Variants in NFATC3 observed in about 807,000 individuals in gnomAD.
NFATC3 encodes the protein nuclear factor of activated T cells 3, also known as nuclear factor of activated T-cells, cytoplasmic 3.
A neutral mutation model predicts 98.6 loss-of-function variants in NFATC3; 46 were observed. The observed-to-expected ratio is 0.47, with a 90% CI of 0.37 to 0.60. NFATC3 has a LOEUF of 0.60. NFATC3 is among the 20% of genes least tolerant of loss of function. The pLI is 0.00. For synonymous variants in NFATC3, 512 were observed against 472.2 expected, an observed-to-expected ratio of 1.08 and a Z score of -1.09; for missense variants, 1,256 against 1,295.5, an observed-to-expected ratio of 0.97 and a Z score of 0.47.
In NFATC3 at chr16:68,191,476, G is replaced by A; in HGVS notation, c.2807G>A (p.Ser936Asn). ...ASPAASHPLA[S>N]SPLSGPPSPQ... ...CCAGCAGCTTCTCATCCCTTGGCTA[G>A]TTCACCGCTTTCTGGGCCACCATCT... Residue 936 changes from serine to asparagine, a missense_variant, in exon 9 of 10, where the codon AGT (serine) becomes AAT (asparagine). This residue lies in a region of NFATC3 where 636 missense variants were observed against 617.3 expected (regional missense o/e 1.03). Transcript: ENST00000346183. The A allele has an allele frequency of 1.2e-6, 2 of 1,614,106 alleles. No homozygotes were observed. Among genetic ancestry groups the A allele is most frequent in the East Asian group, 2.2e-5 (1 of 44,886 alleles).
At chr16:68,112,396 G>A (rs1218650641) in intron 1 of NFATC3, among the ~76,000 whole-genome samples, 1 of 146,028 alleles carries the variant, frequency 6.8e-6, no homozygotes, top group African/African-American at 2.5e-5. Flanking sequence ...TTCTGCCTCA[G>A]CCGCCCGAGT....
chr16:68,210,341 AGGTG>A (rs1258117043), intron 9 of NFATC3, among the ~76,000 whole-genome samples: 2 of 151,448 alleles, frequency 1.3e-5, no homozygotes, highest in African/African-American at 2.4e-5. Flanking sequence ...AAAATTAGCC[AGGTG>A]CTGTGGTCCC....
intron 3 of NFATC3, among the ~76,000 whole-genome samples, chr16:68,157,614 C>T (rs944960577): frequency 2.6e-5 from 4 of 151,892 alleles, no homozygotes; most frequent in East Asian, 1.9e-4. Context: ...CAGTTTTGGT[C>T]GATCTAGATA....
In NFATC3 at chr16:68,191,822, CT is replaced by C. The variant is rs1274055859; in HGVS notation, c.3106+50del. On this transcript the variant is annotated intron_variant, in intron 9 of 9. Transcript: ENST00000346183. ...TCTTGAAGTAGTGAAGATTCAGGGA[CT>C]TTATTCTCCCAAGTGTCATGAAAAA... 2.5e-6 allele frequency: 4 copies of C among 1,595,620 alleles called. No individual in the cohort carries two copies. In the African/African-American group the frequency reaches 5.4e-5, roughly 21 times the overall value.
chr16:68,184,708 G>T (rs556312443), intron 8 of NFATC3, among the ~76,000 whole-genome samples: 1 of 152,248 alleles, frequency 6.6e-6, no homozygotes, highest in South Asian at 2.1e-4. Flanking sequence ...GGAGGCTGAG[G>T]CAGGAGAATG....
intron 1 of NFATC3, among the ~76,000 whole-genome samples, chr16:68,109,101 A>G (rs2035813021): frequency 6.6e-6 from 1 of 152,024 alleles, no homozygotes. Flanking sequence ...CAGAATTTCC[A>G]TTACTATGTT....
chr16:68,134,673 C>T (rs1039972753), intron 3 of NFATC3, among the ~76,000 whole-genome samples: 1 of 152,072 alleles, frequency 6.6e-6, no homozygotes, highest in African/African-American at 2.4e-5. Context: ...CATAGTTGTG[C>T]CATTAAGTAA....
intron 1 of NFATC3, among the ~76,000 whole-genome samples, chr16:68,092,989 T>C (rs1446369510): frequency 6.6e-6 from 1 of 152,218 alleles, no homozygotes; most frequent in Non-Finnish European, 1.5e-5. Flanking sequence ...TATTTTCTCC[T>C]AATTCAGTTC....
intron 9 of NFATC3, chr16:68,217,837 A>G: frequency 8.1e-7 from 1 of 1,230,552 alleles, no homozygotes; most frequent in Non-Finnish European, 1.0e-6. Flanking sequence ...TTTTGCTCAC[A>G]TTTCATTGAA....
At chr16:68,121,857 A>C in intron 1 of NFATC3, 130 bp from the exon 2 acceptor site, 1 of 1,073,380 alleles carries the variant, frequency 9.3e-7, no homozygotes, top group East Asian at 2.4e-5. Context: ...AGCTAATGAC[A>C]TACATTTTAT....
At chr16:68,199,215 ATTTTTTT>A (rs1161857692) in intron 9 of NFATC3, among the ~76,000 whole-genome samples, 2 of 146,446 alleles carry the variant, frequency 1.4e-5, no homozygotes, top group Non-Finnish European at 3.0e-5. Flanking sequence ...GACCCTGTTT[ATTTTTTT>A]TTTATTTTTT....
At chr16:68,121,907 C>T in intron 1 of NFATC3, 80 bp from the exon 2 acceptor site, 5 of 1,442,838 alleles carry the variant, frequency 3.5e-6, no homozygotes, top group Non-Finnish European at 3.7e-6. Flanking sequence ...TATTTACTTT[C>T]TCATCTAGTA....
At chr16:68,202,664 T>C (rs1349474030) in intron 9 of NFATC3, among the ~76,000 whole-genome samples, 1 of 151,878 alleles carries the variant, frequency 6.6e-6, no homozygotes, top group African/African-American at 2.4e-5. Context: ...ATACAAAAAT[T>C]AGCTGGGCGT....
intron 1 of NFATC3, among the ~76,000 whole-genome samples, chr16:68,116,825 G>T (rs1276760371): frequency 6.6e-6 from 1 of 151,544 alleles, no homozygotes; most frequent in Non-Finnish European, 1.5e-5. Flanking sequence ...TTTCTCAAAG[G>T]GTTGGGATTT....
chr16:68,216,018 G>A (rs1420733247), intron 9 of NFATC3, among the ~76,000 whole-genome samples: 1 of 151,998 alleles, frequency 6.6e-6, no homozygotes, highest in South Asian at 2.1e-4. Flanking sequence ...ATGAGCCACC[G>A]CGCTGGCCCA....
At chr16:68,199,004 C>T (rs1265457581) in intron 9 of NFATC3, among the ~76,000 whole-genome samples, 3 of 151,888 alleles carry the variant, frequency 2.0e-5, no homozygotes, top group Admixed American at 6.6e-5. Context: ...GCCAAGATCA[C>T]GCTGCTGCAC....
chr16:68,194,202 A>G (rs2040563811), intron 9 of NFATC3, among the ~76,000 whole-genome samples: 1 of 152,208 alleles, frequency 6.6e-6, no homozygotes, highest in Admixed American at 6.5e-5. Context: ...TTCTTGTGGC[A>G]CTACAGCTGC....
intron 3 of NFATC3, among the ~76,000 whole-genome samples, chr16:68,131,532 C>T (rs2037113106): frequency 6.6e-6 from 1 of 152,158 alleles, no homozygotes; most frequent in African/African-American, 2.4e-5. Context: ...CCCACCTCGG[C>T]CTCCCAGAGT....
At chr16:68,173,049 G>A (rs2039536086) in intron 5 of NFATC3, among the ~76,000 whole-genome samples, 1 of 151,838 alleles carries the variant, frequency 6.6e-6, no homozygotes, top group African/African-American at 2.4e-5. Context: ...TTGAGCCCAG[G>A]AGTTCGAGAA....
Sources: allele counts gnomAD v4.1 joint callset (sites outside exome capture counted in the v4.1 genomes callset), GRCh38; gene constraint gnomAD v4.1.1; regional missense constraint gnomAD v4.1.1; transcripts MANE v1.5; gene names NCBI Gene and HGNC (gene_info 2026-07-23, HGNC 2026-07-21).